PPARA: variants seen among roughly 807,000 people sequenced by gnomAD.
PPARA encodes peroxisome proliferator-activated receptor alpha.
Under a neutral mutation model 42.2 loss-of-function variants are expected in PPARA, and 22 were observed. That is an observed-to-expected ratio of 0.52 (90% CI 0.37 to 0.74). PPARA has a LOEUF of 0.74. Among genes scored for constraint, PPARA ranks in the 30% least tolerant of loss-of-function variants. The pLI is 0.00. For missense variants in PPARA, 465 were observed against 608.2 expected (o/e 0.76, Z 2.48); for synonymous variants, 242 against 239.3 (o/e 1.01, Z -0.10).
At position 46,211,100 on chromosome 22, in the gene PPARA, G is replaced by A. The variant is rs370469588; in HGVS notation, c.209-4073G>A. Among the ~76,000 whole-genome samples, 24 of 152,202 alleles carry A rather than the reference G, an allele frequency of 1.6e-4. No individual in the cohort carries two copies. Among genetic ancestry groups the A allele is most frequent in the South Asian group, 8.3e-4 (4 of 4,816 alleles). Reference sequence around the variant, plus strand: ...TGCTACTGAAGTATCCCTTTTTCAGGCTCTCAGCTGGCAGAGCAAATACAT... The same window carrying A: ...TGCTACTGAAGTATCCCTTTTTCAGACTCTCAGCTGGCAGAGCAAATACAT... On this transcript the variant is annotated intron_variant, in intron 4 of 8. Transcript: ENST00000407236. This position sits in a 1 kb window ranked among gnomAD's most constrained non-coding sequence, Gnocchi z 4.1.
rs1251170113 is a variant in PPARA, at chr22:46,185,962, T to TATAC, written c.-43+9128_-43+9131dup. Among the ~76,000 whole-genome samples, 4 of 37,122 alleles carry TATAC rather than the reference T, an allele frequency of 1.1e-4. 1 individual carries two copies. Among genetic ancestry groups the TATAC allele is most frequent in the African/African-American group, 2.7e-4 (3 of 11,226 alleles). 24.4% of individuals were successfully genotyped at this position (37,122 alleles called of 152,430 possible). A position where few individuals can be genotyped will look rare whatever the true frequency, so the allele number is the denominator to read the frequency against. Reference sequence around the variant, plus strand: ...ATATATATATATATATATATATATATATACACACACACTAACCTTCAGCAT... The same window carrying TATAC: ...ATATATATATATATATATATATATATATACATACACACACACTAACCTTCAGCAT... On this transcript the variant is annotated intron_variant, in intron 3 of 8. Coordinates refer to ENST00000407236, the MANE Select transcript of PPARA (RefSeq NM_005036.6).
intron 2 of PPARA, among the ~76,000 whole-genome samples, chr22:46,158,403 A>C (rs1056006112): frequency 1.3e-5 from 2 of 152,120 alleles, no homozygotes; most frequent in African/African-American, 4.8e-5. Flanking sequence ...TGAGGCCCCA[A>C]GTTTTTTTGC....
At chr22:46,226,672 A>C (rs1445464123) in intron 7 of PPARA, among the ~76,000 whole-genome samples, 3 of 152,176 alleles carry the variant, frequency 2.0e-5, no homozygotes, top group African/African-American at 7.2e-5. Flanking sequence ...CTTGTTTAAA[A>C]AAATAAGAAA....
rs377529404 is a variant in PPARA at position 46,231,749 on chromosome 22, G to C, written c.712-43G>C. The C allele has an allele frequency of 6.4e-7, 1 of 1,564,100 alleles. No individual in the cohort carries two copies. The highest frequency in any genetic ancestry group is 8.8e-7 in the Non-Finnish European group (1 of 1,140,838). ...GTGAGCTGATAGCTGGGAGCATAGC[G>C]CATCCCACATCACCTGACTTACCTT... is the stretch of plus-strand genomic sequence containing the variant. On this transcript the variant is annotated intron_variant, in intron 7 of 8. Coordinates refer to ENST00000407236, the MANE Select transcript of PPARA (RefSeq NM_005036.6). This position sits in a 1 kb window ranked among gnomAD's most constrained non-coding sequence, Gnocchi z 7.7.
chr22:46,211,419 C>A lies in PPARA; in HGVS notation c.209-3754C>A, dbSNP rs1933918549. ...CAGTGTTTACAGCCAGATCCTTTTG[C>A]CTTTAGTCTTACAGATTCCAATCAT... On this transcript the variant is annotated intron_variant, in intron 4 of 8. Coordinates refer to ENST00000407236, the MANE Select transcript of PPARA (RefSeq NM_005036.6). The surrounding 1 kb of genome is among the most constrained non-coding windows in gnomAD (Gnocchi z 4.1). 6.6e-6 allele frequency among the ~76,000 whole-genome samples: 1 copy of A among 152,164 alleles called. No homozygotes were observed. The highest frequency in any genetic ancestry group is 2.1e-4 in the South Asian group (1 of 4,828).
At chr22:46,218,465 G>A (rs151257832) in intron 6 of PPARA, 64 bp downstream of exon 6, 787 of 1,602,524 alleles carry the variant, frequency 4.9e-4, no homozygotes, top group Admixed American at 9.0e-4. Flanking sequence ...TTGCTCCAAG[G>A]GAACAGATCA....
chr22:46,173,247 G>A lies in PPARA; in HGVS notation c.-126-3506G>A, dbSNP rs4253654. Among the ~76,000 whole-genome samples the A allele has an allele frequency of 1.7e-3, 254 of 152,228 alleles. 2 individuals are homozygous for A. The highest frequency in any genetic ancestry group is 5.8e-3 in the African/African-American group (239 of 41,542). ...GATTTACAAAACAGTTATGTTTTTA[G>A]TTTTCTTTTATTTGTTGTGTTGAAT... On this transcript the variant is annotated intron_variant, in intron 2 of 8. Transcript: ENST00000407236. The surrounding 1 kb of genome is among the most constrained non-coding windows in gnomAD (Gnocchi z 4.3).
chr22:46,167,327 A>G lies in PPARA; in HGVS notation c.-126-9426A>G, dbSNP rs1484908618. ...TATGATACTGTTATGTCATATAATT[A>G]TTATTGAAATGGGTCATAGATCTAA... On this transcript the variant is annotated intron_variant, in intron 2 of 8. Transcript: ENST00000407236. The surrounding 1 kb of genome is among the most constrained non-coding windows in gnomAD (Gnocchi z 4.1). 6.6e-6 allele frequency among the ~76,000 whole-genome samples: 1 copy of G among 151,790 alleles called. No homozygotes were observed. Among genetic ancestry groups the G allele is most frequent in the Non-Finnish European group, 1.5e-5 (1 of 67,984 alleles).
rs1383587678 is a variant in PPARA, at chr22:46,163,129, G to A, written c.-127+11159G>A. 6.6e-6 allele frequency among the ~76,000 whole-genome samples: 1 copy of A among 152,208 alleles called. No individual in the cohort carries two copies. Among genetic ancestry groups the A allele is most frequent in the African/African-American group, 2.4e-5 (1 of 41,460 alleles). On this transcript the variant is annotated intron_variant, in intron 2 of 8. Transcript: ENST00000407236. The surrounding 1 kb of genome is among the most constrained non-coding windows in gnomAD (Gnocchi z 4.9). ...AGAGGGTCACGGAGGTCGCAGGGGC[G>A]TGTGTGCAGCACCTGCCAGTGAACG... is the stretch of plus-strand genomic sequence containing the variant.
rs191505022 is a variant in PPARA, at chr22:46,227,544, G to A, written c.712-4248G>A. On this transcript the variant is annotated intron_variant, in intron 7 of 8. Coordinates refer to ENST00000407236, the MANE Select transcript of PPARA (RefSeq NM_005036.6). This position sits in a 1 kb window ranked among gnomAD's most constrained non-coding sequence, Gnocchi z 4.3. ...TGGCATTGCGGGCATGAGCTACTGC[G>A]CCTGGTCCACATTTAATTTTTTGCA... is the stretch of plus-strand genomic sequence containing the variant. Among the ~76,000 whole-genome samples, 144 of 152,200 alleles carry A rather than the reference G, an allele frequency of 9.5e-4. 1 individual carries two copies. The highest frequency in any genetic ancestry group is 3.4e-3 in the Middle Eastern group (1 of 292).
intron 4 of PPARA, among the ~76,000 whole-genome samples, chr22:46,199,333 A>T (rs1415932190): frequency 1.3e-5 from 2 of 152,172 alleles, no homozygotes; most frequent in Non-Finnish European, 2.9e-5. Flanking sequence ...CTTCATAGCA[A>T]TTTAAAAGAA....
chr22:46,168,351 CAA>C (rs35345592), intron 2 of PPARA, among the ~76,000 whole-genome samples: 242 of 14,302 alleles, frequency 0.017, no homozygotes, highest in African/African-American at 0.05. Context: ...GACTCCATCT[CAA>C]AAAAAAAAAA....
At chr22:46,220,679 T>G (rs1308622827) in intron 7 of PPARA, 1 of 153,106 alleles carries the variant, frequency 6.5e-6, no homozygotes, top group African/African-American at 2.4e-5. Context: ...AGATGGGTCA[T>G]GCCTGTAATC....
rs1041302492 is a variant in PPARA at position 46,200,988 on chromosome 22, C to T, written c.208+2397C>T. Among the ~76,000 whole-genome samples the T allele has an allele frequency of 2.0e-5, 3 of 151,960 alleles. No homozygotes were observed. Among genetic ancestry groups the T allele is most frequent in the Non-Finnish European group, 2.9e-5 (2 of 67,928 alleles). ...CAGCACTTTGGGAGGCTGAGGCGGG[C>T]GGATCACTTGAGGTCAGGAGTTAAA... is the stretch of plus-strand genomic sequence containing the variant. On this transcript the variant is annotated intron_variant, in intron 4 of 8. Transcript: ENST00000407236. This position sits in a 1 kb window ranked among gnomAD's most constrained non-coding sequence, Gnocchi z 4.8.
rs769733697 is a variant in PPARA at position 46,231,951 on chromosome 22, G to A, written c.871G>A (p.Ala291Thr). The A allele has an allele frequency of 1.1e-5, 17 of 1,614,102 alleles. 1 individual carries two copies. The highest frequency in any genetic ancestry group is 3.3e-5 in the Admixed American group (2 of 60,004). ...VETVTELTEF[A>T]KAIPGFANLD... is the part of the protein sequence containing the mutation. Reference sequence around the variant, plus strand: ...GACCGTCACGGAGCTCACGGAATTCGCCAAGGCCATCCCAGGCTTCGCAAA... The same window carrying A: ...GACCGTCACGGAGCTCACGGAATTCACCAAGGCCATCCCAGGCTTCGCAAA... The change falls in exon 8 of 9, where the codon GCC (alanine) becomes ACC (threonine). Residue 291 changes from alanine to threonine, a missense_variant. Transcript: ENST00000407236. The surrounding 1 kb of genome is among the most constrained non-coding windows in gnomAD (Gnocchi z 7.7).
In PPARA at chr22:46,193,356, G is replaced by A. The variant is rs899144452; in HGVS notation, c.-42-4986G>A. On this transcript the variant is annotated intron_variant, in intron 3 of 8. Coordinates refer to ENST00000407236, the MANE Select transcript of PPARA (RefSeq NM_005036.6). This position sits in a 1 kb window ranked among gnomAD's most constrained non-coding sequence, Gnocchi z 5.3. ...GCTCAGATTACAGGCGTGAGCCACCGCACCTGGCCACTGTTTGATAGCATA... is the reference window on the plus strand; with the variant it reads ...GCTCAGATTACAGGCGTGAGCCACCACACCTGGCCACTGTTTGATAGCATA... Among the ~76,000 whole-genome samples, 7 of 152,094 alleles carry A rather than the reference G, an allele frequency of 4.6e-5. No individual in the cohort carries two copies. The highest frequency in any genetic ancestry group is 2.0e-4 in the Admixed American group (3 of 15,260).
rs143601029 is a variant in PPARA at position 46,192,441 on chromosome 22, G to C, written c.-42-5901G>C. ...CAGTGTTTGCACCTGCCCTGTGCTC[G>C]GGTAACATAAAACAGTGATATAATT... On this transcript the variant is annotated intron_variant, in intron 3 of 8. Transcript: ENST00000407236. This position sits in a 1 kb window ranked among gnomAD's most constrained non-coding sequence, Gnocchi z 4.3. Among the ~76,000 whole-genome samples the C allele has an allele frequency of 1.3e-5, 2 of 152,152 alleles. No individual in the cohort carries two copies. Among genetic ancestry groups the C allele is most frequent in the Non-Finnish European group, 2.9e-5 (2 of 68,044 alleles).
At chr22:46,151,660 C>T (rs1330539703) in intron 1 of PPARA, among the ~76,000 whole-genome samples, 2 of 152,260 alleles carry the variant, frequency 1.3e-5, no homozygotes, top group Non-Finnish European at 2.9e-5. Context: ...CCTCAGCCGA[C>T]CCCTGCCAGG....
At chr22:46,174,769 A>T (rs1053087749) in intron 2 of PPARA, among the ~76,000 whole-genome samples, 3 of 152,144 alleles carry the variant, frequency 2.0e-5, no homozygotes, top group Non-Finnish European at 4.4e-5. Flanking sequence ...GTGAACCATG[A>T]TCACACTAAA....
Sources: gnomAD v4.1 joint callset for allele counts (sites outside exome capture counted in the v4.1 genomes callset) on GRCh38, gnomAD v4.1.1 for gene constraint, Gnocchi (gnomAD v3.1) non-coding constraint, MANE v1.5 for transcripts, NCBI Gene and HGNC (gene_info 2026-07-23, HGNC 2026-07-21) for gene names.